P2RX1: variants seen among roughly 807,000 people sequenced by gnomAD.
P2RX1 encodes purinergic receptor P2X 1.
A neutral mutation model predicts 50.3 loss-of-function variants in P2RX1; 42 were observed. The ratio of observed to expected loss-of-function variants is 0.83; its 90% CI spans 0.65 to 1.08. P2RX1 has a LOEUF of 1.08. Among genes scored for constraint, P2RX1 ranks in the 50% least tolerant of loss-of-function variants. The probability of loss-of-function intolerance (pLI) is 0.00; values close to 1 mark genes in which losing one functional copy is unlikely to be tolerated. For missense variants in P2RX1, 449 were observed against 529.0 expected (o/e 0.85, Z 1.48); for synonymous variants, 199 against 202.6 (o/e 0.98, Z 0.15).
In P2RX1 at chr17:3,898,647, G is replaced by A. The variant is rs962335677; in HGVS notation, c.967-98C>T. On this transcript the variant is annotated intron_variant, in intron 9 of 11. Coordinates refer to ENST00000225538, the MANE Select transcript of P2RX1 (RefSeq NM_002558.4). ...CAAGGGGACTTCCCCACCCTCGGCT[G>A]TGAACTGTCCCCACCTCGGACTCTA... is the stretch of plus-strand genomic sequence containing the variant. 8.6e-6 allele frequency: 8 copies of A among 931,066 alleles called. No individual in the cohort carries two copies. The African/African-American group carries it at 9.8e-5, about 11-fold the overall frequency. 57.7% of individuals were successfully genotyped at this position (931,066 alleles called of 1,614,324 possible). A position where few individuals can be genotyped will look rare whatever the true frequency, so the allele number is the denominator to read the frequency against.
Position 3,905,264 on chromosome 17 carries a change from C to T in P2RX1, c.241G>A (p.Gly81Ser), listed in dbSNP as rs1346667507. The T allele has an allele frequency of 5.0e-6, 8 of 1,613,626 alleles. No individual in the cohort carries two copies. The highest frequency in any genetic ancestry group is 1.6e-4 in the Middle Eastern group (1 of 6,084). ...GLAVTQLPGL[G>S]PQVWDVADYV... The stretch of plus-strand genomic sequence containing the variant: ...TCAGCCACATCCCAGACCTGGGGGC[C>T]GAGGCCAGGGAGCTGGGTCACGGCC... The change falls in exon 2 of 12, where the codon GGC (glycine) becomes AGC (serine). Residue 81 changes from glycine to serine, a missense_variant. Coordinates refer to ENST00000225538, the MANE Select transcript of P2RX1 (RefSeq NM_002558.4).
rs749024087 is a variant in P2RX1 at position 3,903,192 on chromosome 17, T to C, written c.747+10A>G. On this transcript the variant is annotated intron_variant, in intron 7 of 11. Coordinates refer to ENST00000225538, the MANE Select transcript of P2RX1 (RefSeq NM_002558.4). This position sits in a 1 kb window ranked among gnomAD's most constrained non-coding sequence, Gnocchi z 4.6. ...AGCCCTCCCCACGTGCCTGGCACCA[T>C]GCTCCATACCTTCTCAGCCAGGGTG... The C allele has an allele frequency of 3.7e-6, 6 of 1,613,916 alleles. No homozygotes were observed. In the African/African-American group the frequency reaches 5.3e-5, roughly 14 times the overall value.
At chr17:3,901,465 A>G (rs990321722) in intron 7 of P2RX1, among the ~76,000 whole-genome samples, 1 of 152,192 alleles carries the variant, frequency 6.6e-6, no homozygotes, top group African/African-American at 2.4e-5. Flanking sequence ...ACTGAGGCCC[A>G]TGGGCCTGAT....
In P2RX1 at chr17:3,897,112, A is replaced by C. The variant is rs1008168314; in HGVS notation, c.*702T>G. ...GAAAGTTCGAGGACGGCACTTCTTA[A>C]ACTTAGGTCCCAGAATGGCCTGGGG... On this transcript the variant is annotated 3_prime_UTR_variant, in exon 12 of 12. Coordinates refer to ENST00000225538, the MANE Select transcript of P2RX1 (RefSeq NM_002558.4). 1 of 153,288 alleles carries C rather than the reference A, an allele frequency of 6.5e-6. No homozygotes were observed. The highest frequency in any genetic ancestry group is 1.5e-5 in the Non-Finnish European group (1 of 68,840). 9.5% of individuals were successfully genotyped at this position (153,288 alleles called of 1,614,324 possible).
chr17:3,901,320 G>A (rs995632005), intron 7 of P2RX1, among the ~76,000 whole-genome samples: 3 of 152,240 alleles, frequency 2.0e-5, no homozygotes, highest in South Asian at 2.1e-4. Flanking sequence ...GCCCGCCTTG[G>A]CCTCCCAAAG....
rs1597507407 is a variant in P2RX1 at position 3,898,172 on chromosome 17, A to G, written c.1033-62T>C. 4 of 1,369,822 alleles carry G rather than the reference A, an allele frequency of 2.9e-6. No individual in the cohort carries two copies. In the East Asian group the frequency reaches 9.2e-5, roughly 31 times the overall value. 84.9% of individuals were successfully genotyped at this position (1,369,822 alleles called of 1,614,324 possible). On this transcript the variant is annotated intron_variant, in intron 10 of 11. Transcript: ENST00000225538. ...TCCGGGGGTGGGTACGGAGCCCTCC[A>G]CATCCCACCTCAGTCCCTGGTGGTG...
intron 2 of P2RX1, 133 bp downstream of exon 2, chr17:3,905,087 G>T: frequency 1.5e-6 from 2 of 1,302,968 alleles, no homozygotes; most frequent in Non-Finnish European, 2.1e-6. Flanking sequence ...TCACCAGGCT[G>T]CTTCTGCCCG....
rs2056204832 is a variant in P2RX1, at chr17:3,903,919, G to A, written c.524+9C>T. On this transcript the variant is annotated intron_variant, in intron 5 of 11. Transcript: ENST00000225538. This position sits in a 1 kb window ranked among gnomAD's most constrained non-coding sequence, Gnocchi z 4.6. ...CTGTTCTTAGCTCTCTGGAAGGTCA[G>A]AGTGTTACCGCGGGATGTCGTCATC... is the stretch of plus-strand genomic sequence containing the variant. The A allele has an allele frequency of 6.2e-7, 1 of 1,605,290 alleles. No homozygotes were observed. The highest frequency in any genetic ancestry group is 2.2e-5 in the East Asian group (1 of 44,834).
chr17:3,910,847 C>T (rs1184602074), intron 1 of P2RX1, among the ~76,000 whole-genome samples: 1 of 152,218 alleles, frequency 6.6e-6, no homozygotes, highest in Non-Finnish European at 1.5e-5. Flanking sequence ...GTTTTGTTCA[C>T]TTCTGTATTT....
chr17:3,906,139 C>CT (rs1325174081), intron 1 of P2RX1, among the ~76,000 whole-genome samples: 9 of 149,854 alleles, frequency 6.0e-5, no homozygotes, highest in East Asian at 5.8e-4. Context: ...AACGGTACTT[C>CT]TTTTTTTTTT....
intron 1 of P2RX1, among the ~76,000 whole-genome samples, chr17:3,906,521 G>A (rs2056267437): frequency 6.6e-6 from 1 of 152,234 alleles, no homozygotes; most frequent in Admixed American, 6.5e-5. Context: ...ATGCAGTATA[G>A]ACATTAGTTG....
intron 1 of P2RX1, among the ~76,000 whole-genome samples, chr17:3,906,554 G>A (rs2056268154): frequency 6.6e-6 from 1 of 152,192 alleles, no homozygotes; most frequent in Admixed American, 6.5e-5. Context: ...AGCCATGCTG[G>A]GACCCCCTGG....
In P2RX1 at chr17:3,897,714, A is replaced by C; in HGVS notation, c.*100T>G. ...CTGCTCTCTGCCTGGCTGAGAGGGT[A>C]GGAGACTTCCTGGGGAGGCCCCTCT... On this transcript the variant is annotated 3_prime_UTR_variant, in exon 12 of 12. Transcript: ENST00000225538. The C allele has an allele frequency of 7.8e-6, 8 of 1,031,312 alleles. No homozygotes were observed. Among genetic ancestry groups the C allele is most frequent in the Non-Finnish European group, 1.0e-5 (7 of 677,446 alleles). 63.9% of individuals were successfully genotyped at this position (1,031,312 alleles called of 1,614,324 possible). A position where few individuals can be genotyped will look rare whatever the true frequency, so the allele number is the denominator to read the frequency against.
chr17:3,913,126 G>T (rs2056392579), intron 1 of P2RX1, among the ~76,000 whole-genome samples: 1 of 147,146 alleles, frequency 6.8e-6, no homozygotes, highest in South Asian at 2.2e-4. Flanking sequence ...CTCTAACTGA[G>T]ACCATCTTTT....
intron 1 of P2RX1, among the ~76,000 whole-genome samples, chr17:3,915,089 G>A (rs1567660158): frequency 2.0e-5 from 3 of 152,166 alleles, no homozygotes; most frequent in Non-Finnish European, 4.4e-5. Flanking sequence ...GGGGAGGGTA[G>A]AGCTCTCAGA....
In P2RX1 at chr17:3,903,378, G is replaced by C; in HGVS notation, c.606-35C>G. ...TGGAAGGTGTTGACAGCTGCTGTGT[G>C]TCATCCGGGAGGGTGCCCACCACGC... On this transcript the variant is annotated intron_variant, in intron 6 of 11. Transcript: ENST00000225538. This position sits in a 1 kb window ranked among gnomAD's most constrained non-coding sequence, Gnocchi z 4.6. 6.2e-7 allele frequency: 1 copy of C among 1,613,404 alleles called. No homozygotes were observed.
Position 3,899,588 on chromosome 17 carries a change from C to A in P2RX1, c.875+46G>T, listed in dbSNP as rs200865169. 5 of 1,608,404 alleles carry A rather than the reference C, an allele frequency of 3.1e-6. No individual in the cohort carries two copies. The African/African-American group carries it at 4.0e-5, about 13-fold the overall frequency. On this transcript the variant is annotated intron_variant, in intron 8 of 11. Coordinates refer to ENST00000225538, the MANE Select transcript of P2RX1 (RefSeq NM_002558.4). ...GAAGTGTTCTGGGAGTAGAAAAGCCCGCAGGACCACAAGGAAGAATGTGCT... is the reference window on the plus strand; with the variant it reads ...GAAGTGTTCTGGGAGTAGAAAAGCCAGCAGGACCACAAGGAAGAATGTGCT...
At chr17:3,912,917 AG>A (rs1413615224) in intron 1 of P2RX1, among the ~76,000 whole-genome samples, 1 of 152,144 alleles carries the variant, frequency 6.6e-6, no homozygotes, top group Non-Finnish European at 1.5e-5. Flanking sequence ...GCAGGGGATG[AG>A]TGAGGACTTA....
intron 1 of P2RX1, among the ~76,000 whole-genome samples, chr17:3,907,290 C>CGTACGTGTGTGTGTGT (rs1555548653): frequency 7.4e-6 from 1 of 134,358 alleles, no homozygotes; most frequent in African/African-American, 2.9e-5. Context: ...TTCAGGGTAA[C>CGTACGTGTGTGTGTGT]GTGTGTGTGT....
Sources: allele counts gnomAD v4.1 joint callset (sites outside exome capture counted in the v4.1 genomes callset), GRCh38; gene constraint gnomAD v4.1.1; non-coding constraint Gnocchi (gnomAD v3.1); transcripts MANE v1.5; gene names NCBI Gene and HGNC (gene_info 2026-07-23, HGNC 2026-07-21).